QTMAN: variants seen among roughly 807,000 people sequenced by gnomAD.
QTMAN encodes the protein tRNA-queuosine alpha-mannosyltransferase.
the QTMAN span, among the ~76,000 whole-genome samples, chr2:144,049,017 G>T: frequency 6.6e-6 from 1 of 152,236 alleles, no homozygotes; most frequent in East Asian, 1.9e-4. Flanking sequence ...TAATAAACTT[G>T]TAAAAACAGT....
At chr2:144,018,360 G>A in the QTMAN span, among the ~76,000 whole-genome samples, 16 of 151,122 alleles carry the variant, frequency 1.1e-4, no homozygotes, top group South Asian at 2.1e-4. Flanking sequence ...TTAAATGTTC[G>A]GACAGTAAGT....
the QTMAN span, among the ~76,000 whole-genome samples, chr2:144,060,616 A>G: frequency 1.3e-5 from 2 of 152,236 alleles, no homozygotes; most frequent in Non-Finnish European, 2.9e-5. Flanking sequence ...TTATATCCTC[A>G]TAATCATGGC....
the QTMAN span, among the ~76,000 whole-genome samples, chr2:144,330,311 G>A: frequency 3.9e-5 from 6 of 152,306 alleles, no homozygotes; most frequent in South Asian, 1.2e-3. Flanking sequence ...GGACTAATAA[G>A]CTATATACCA....
At chr2:143,955,865 G>C in the QTMAN span, among the ~76,000 whole-genome samples, 2 of 152,152 alleles carry the variant, frequency 1.3e-5, no homozygotes, top group Non-Finnish European at 2.9e-5. Flanking sequence ...ATCTAAAGAT[G>C]TCTAAACTGT....
the QTMAN span, among the ~76,000 whole-genome samples, chr2:144,068,637 A>T: frequency 6.6e-6 from 1 of 152,264 alleles, no homozygotes; most frequent in South Asian, 2.1e-4. Context: ...GTGTGAAAAC[A>T]AACAATCTTT....
the QTMAN span, among the ~76,000 whole-genome samples, chr2:144,079,357 C>A: frequency 6.6e-6 from 1 of 152,082 alleles, no homozygotes; most frequent in Non-Finnish European, 1.5e-5. Flanking sequence ...CTGATGATTT[C>A]TTTGCAAAGT....
chr2:143,994,944 A>C, the QTMAN span, among the ~76,000 whole-genome samples: 1 of 152,328 alleles, frequency 6.6e-6, no homozygotes, highest in African/African-American at 2.4e-5. Context: ...AAAATATGAC[A>C]ATTATACAGG....
chr2:144,073,774 C>A, the QTMAN span, among the ~76,000 whole-genome samples: 1 of 152,190 alleles, frequency 6.6e-6, no homozygotes, highest in Non-Finnish European at 1.5e-5. Context: ...CGAATCATAT[C>A]CCCCAACTCC....
the QTMAN span, among the ~76,000 whole-genome samples, chr2:144,323,748 T>C: frequency 6.6e-6 from 1 of 152,200 alleles, no homozygotes; most frequent in African/African-American, 2.4e-5. Flanking sequence ...ATTCTTGAAC[T>C]CAAAAATTGG....
chr2:144,032,560 G>A, the QTMAN span, among the ~76,000 whole-genome samples: 1 of 152,312 alleles, frequency 6.6e-6, no homozygotes, highest in East Asian at 1.9e-4. Flanking sequence ...TTGGGAAAAA[G>A]AGAGAAAGTG....
chr2:144,019,175 C>CCA, the QTMAN span, among the ~76,000 whole-genome samples: 1 of 152,128 alleles, frequency 6.6e-6, no homozygotes, highest in Non-Finnish European at 1.5e-5. Flanking sequence ...TCTGAATAAA[C>CCA]ATTCCAGATA....
the QTMAN span, among the ~76,000 whole-genome samples, chr2:144,236,288 T>G: frequency 5.9e-5 from 9 of 152,194 alleles, no homozygotes; most frequent in Middle Eastern, 3.4e-3. Context: ...GTAAATACCT[T>G]AAGAATACTA....
the QTMAN span, among the ~76,000 whole-genome samples, chr2:144,142,571 T>C: frequency 6.6e-6 from 1 of 151,996 alleles, no homozygotes; most frequent in African/African-American, 2.4e-5. Flanking sequence ...GGTTAAAGTC[T>C]ACTTCTTGCT....
At chr2:143,964,288 T>C in the QTMAN span, 1 of 152,088 alleles carries the variant, frequency 6.6e-6, no homozygotes, top group African/African-American at 2.4e-5. Flanking sequence ...TGTTAGGGAA[T>C]GAATAATGAT....
chr2:144,226,683 G>A, the QTMAN span, among the ~76,000 whole-genome samples: 362 of 152,138 alleles, frequency 2.4e-3, no homozygotes, highest in Non-Finnish European at 4.0e-3. Flanking sequence ...AGTAATTAAG[G>A]TACAAACAAC....
chr2:144,060,775 CAAA>C, the QTMAN span, among the ~76,000 whole-genome samples: 1 of 152,078 alleles, frequency 6.6e-6, no homozygotes, highest in Non-Finnish European at 1.5e-5. Context: ...ATTAAGCTTT[CAAA>C]AATACTGACT....
At chr2:144,203,807 T>C in the QTMAN span, among the ~76,000 whole-genome samples, 1 of 152,096 alleles carries the variant, frequency 6.6e-6, no homozygotes, top group Non-Finnish European at 1.5e-5. Context: ...ATTTACCATG[T>C]TTTAACTGGA....
At chr2:144,128,248 G>A in the QTMAN span, 1 of 150,550 alleles carries the variant, frequency 6.6e-6, no homozygotes, top group Non-Finnish European at 1.5e-5. Flanking sequence ...TAACTTACAG[G>A]TTCTGAGTTT....
At chr2:144,254,837 A>T in the QTMAN span, among the ~76,000 whole-genome samples, 2 of 152,236 alleles carry the variant, frequency 1.3e-5, no homozygotes, top group Non-Finnish European at 2.9e-5. Context: ...TGTGACCTGG[A>T]TGTGAGACAT....
Sources: allele counts gnomAD v4.1 joint callset (sites outside exome capture counted in the v4.1 genomes callset), GRCh38; gene constraint gnomAD v4.1.1; transcripts MANE v1.5; gene names NCBI Gene and HGNC (gene_info 2026-07-23, HGNC 2026-07-21).